Variants in USP21 observed in about 807,000 individuals in gnomAD.
The protein encoded by USP21 is ubiquitin specific peptidase 21, also known as ubiquitin carboxyl-terminal hydrolase 21.
USP21 carries 37 observed loss-of-function variants against 70.8 expected under a neutral mutation model. The ratio of observed to expected loss-of-function variants is 0.52; its 90% CI spans 0.40 to 0.69. The LOEUF is 0.69. USP21 is among the 30% of genes least tolerant of loss of function. USP21 has a pLI of 0.00. For missense variants in USP21, 584 were observed against 740.8 expected (o/e 0.79, Z 2.46); for synonymous variants, 263 against 283.1 (o/e 0.93, Z 0.71).
Position 161,162,241 on chromosome 1 carries a change from A to T in USP21, c.661-29A>T. On this transcript the variant is annotated intron_variant, in intron 4 of 13. Transcript: ENST00000368002. This position sits in a 1 kb window ranked among gnomAD's most constrained non-coding sequence, Gnocchi z 4.1. ...GCTTCCTGGGCAGTGGTCTGGAGAG[A>T]TAACAGCAGTGTCCCTACTGCTCCC... is the stretch of plus-strand genomic sequence containing the variant. The T allele has an allele frequency of 5.0e-6, 8 of 1,607,648 alleles. No homozygotes were observed. Among genetic ancestry groups the T allele is most frequent in the Non-Finnish European group, 6.8e-6 (8 of 1,175,612 alleles).
chr1:161,160,803 C>A lies in USP21; in HGVS notation c.163C>A (p.Arg55=). Residue 55 remains arginine, a synonymous_variant, in exon 3 of 14, where the codon CGG becomes AGG. Transcript: ENST00000368002. The stretch of plus-strand genomic sequence containing the variant: ...CCCCATGTTACGACCTCTGCCTCCC[C>A]GGCCAGGTCTGCCTGATGAACGGCT... ...PNPMLRPLPP[R]PGLPDERLKK... 6.2e-7 allele frequency: 1 copy of A among 1,614,214 alleles called. No individual in the cohort carries two copies. The highest frequency in any genetic ancestry group is 8.5e-7 in the Non-Finnish European group (1 of 1,180,042).
At position 161,165,490 on chromosome 1, in the gene USP21, T is replaced by TA; in HGVS notation, c.*45dup. 1 of 1,433,702 alleles carries TA rather than the reference T, an allele frequency of 7.0e-7. No homozygotes were observed. Among genetic ancestry groups the TA allele is most frequent in the East Asian group, 2.5e-5 (1 of 39,582 alleles). The allele number at this position is 1,433,702 out of a possible 1,614,324, so 88.8% of individuals were successfully genotyped here. ...ACCTGTGAAGCCCTTTAAACACCCT[T>TA]AAGCCCCAGGCTCCCCGTTTACCTC... On this transcript the variant is annotated 3_prime_UTR_variant, in exon 14 of 14. Coordinates refer to ENST00000368002, the MANE Select transcript of USP21 (RefSeq NM_001014443.3).
chr1:161,160,732 C>A lies in USP21; in HGVS notation c.92C>A (p.Pro31His). Residue 31 changes from proline (P) to histidine (H), a missense_variant, in exon 3 of 14, where the codon CCC becomes CAC. Pro to His is a moderately conservative substitution (Grantham distance 77). This residue lies in a region of USP21 where 284 missense variants were observed against 281.0 expected (regional missense o/e 1.01). Transcript: ENST00000368002. ...PRVGSKLPFA[P>H]RARSKERRNP... ...GTGGGATCCAAGCTACCATTTGCCC[C>A]CAGGGCCCGCAGCAAGGAGCGCAGA... The A allele has an allele frequency of 6.2e-7, 1 of 1,614,216 alleles. No homozygotes were observed. The highest frequency in any genetic ancestry group is 8.5e-7 in the Non-Finnish European group (1 of 1,180,046).
Position 161,161,535 on chromosome 1 carries a change from A to C in USP21, c.600+295A>C. ...CCTTTCCCTTGCTTGCACCTTCTCT[A>C]CTGGGACTCTGCCTAGGCCTAATTA... is the stretch of plus-strand genomic sequence containing the variant. On this transcript the variant is annotated intron_variant, in intron 3 of 13. Transcript: ENST00000368002. This position sits in a 1 kb window ranked among gnomAD's most constrained non-coding sequence, Gnocchi z 4.2. 1 of 433,280 alleles carries C rather than the reference A, an allele frequency of 2.3e-6. No individual in the cohort carries two copies. Among genetic ancestry groups the C allele is most frequent in the Non-Finnish European group, 4.1e-6 (1 of 241,338 alleles). 26.8% of individuals were successfully genotyped at this position (433,280 alleles called of 1,614,324 possible). A position where few individuals can be genotyped will look rare whatever the true frequency, so the allele number is the denominator to read the frequency against.
chr1:161,163,114 T>G, intron 7 of USP21, 40 bp downstream of exon 7: 4 of 1,546,644 alleles, frequency 2.6e-6, no homozygotes, highest in Non-Finnish European at 3.5e-6. Context: ...CCGTAGTTTA[T>G]CAGCATCATT....
rs1044357580 is a variant in USP21, at chr1:161,161,319, C to G, written c.600+79C>G. The G allele has an allele frequency of 1.3e-6, 2 of 1,488,250 alleles. No individual in the cohort carries two copies. The highest frequency in any genetic ancestry group is 1.8e-6 in the Non-Finnish European group (2 of 1,117,388). The allele number at this position is 1,488,250 out of a possible 1,614,324, so 92.2% of individuals were successfully genotyped here. Reference sequence around the variant, plus strand: ...TGCCATCCTCTGCCTTTTCTGTCCCCCATTTCCCTGAAGTTCCTTTCTCAG... The same window carrying G: ...TGCCATCCTCTGCCTTTTCTGTCCCGCATTTCCCTGAAGTTCCTTTCTCAG... On this transcript the variant is annotated intron_variant, in intron 3 of 13. Coordinates refer to ENST00000368002, the MANE Select transcript of USP21 (RefSeq NM_001014443.3). The surrounding 1 kb of genome is among the most constrained non-coding windows in gnomAD (Gnocchi z 4.2).
At position 161,163,926 on chromosome 1, in the gene USP21, G is replaced by A; in HGVS notation, c.1163G>A (p.Gly388Glu). 1 of 1,614,138 alleles carries A rather than the reference G, an allele frequency of 6.2e-7. No individual in the cohort carries two copies. Among genetic ancestry groups the A allele is most frequent in the Non-Finnish European group, 8.5e-7 (1 of 1,180,026 alleles). The change falls in exon 9 of 14, where the codon GGG (glycine) becomes GAG (glutamate). Residue 388 changes from glycine to glutamate, a missense_variant. Gly to Glu is a moderately conservative substitution (Grantham distance 98). Coordinates refer to ENST00000368002, the MANE Select transcript of USP21 (RefSeq NM_001014443.3). ...AGTTGTCTCAAGTGCCAGGCCTGTG[G>A]GTATCGCTCCACGACCTTCGAGGTT... ...LKSCLKCQAC[G>E]YRSTTFEVFC...
In USP21 at chr1:161,163,555, T is replaced by C; in HGVS notation, c.1050T>C (p.Ser350=). The C allele has an allele frequency of 6.2e-7, 1 of 1,613,278 alleles. No individual in the cohort carries two copies. Among genetic ancestry groups the C allele is most frequent in the Non-Finnish European group, 8.5e-7 (1 of 1,179,852 alleles). The part of the protein sequence containing the change: ...GGALLEEPEL[S]DDDRANLMWK... ...CCCCACTTCCTTTGATCTGTGGTAG[T>C]GATGATGACCGAGCCAACCTAATGT... Residue 350 remains serine (S), a splice_region_variant and synonymous_variant, in exon 8 of 14, where the codon AGT becomes AGC. Coordinates refer to ENST00000368002, the MANE Select transcript of USP21 (RefSeq NM_001014443.3).
intron 1 of USP21, among the ~76,000 whole-genome samples, chr1:161,159,886 G>A (rs1481180427): frequency 2.0e-5 from 3 of 152,234 alleles, no homozygotes; most frequent in East Asian, 3.8e-4. Context: ...CTGCCCTCGA[G>A]GGGGGCGGAC....
Position 161,164,967 on chromosome 1 carries a change from A to C in USP21, c.1492+25A>C, listed in dbSNP as rs1275741033. 6.2e-7 allele frequency: 1 copy of C among 1,613,536 alleles called. No individual in the cohort carries two copies. The highest frequency in any genetic ancestry group is 1.3e-5 in the African/African-American group (1 of 75,022). Reference sequence around the variant, plus strand: ...GGTGAGTCTGGTGGGGAAAGTCCTAAGGAGCCAAAGGAGTGGGGGCACAGC... The same window carrying C: ...GGTGAGTCTGGTGGGGAAAGTCCTACGGAGCCAAAGGAGTGGGGGCACAGC... On this transcript the variant is annotated intron_variant, in intron 12 of 13. Coordinates refer to ENST00000368002, the MANE Select transcript of USP21 (RefSeq NM_001014443.3). The surrounding 1 kb of genome is among the most constrained non-coding windows in gnomAD (Gnocchi z 4.2).
chr1:161,160,740 C>T lies in USP21; in HGVS notation c.100C>T (p.Arg34Cys), dbSNP rs770632791. Residue 34 changes from arginine (R) to cysteine (C), a missense_variant, in exon 3 of 14, where the codon CGC becomes TGC. This residue lies in a region of USP21 where 284 missense variants were observed against 281.0 expected (regional missense o/e 1.01). Transcript: ENST00000368002. Reference protein sequence around the residue: ...GSKLPFAPRARSKERRNPASG... With the variant: ...GSKLPFAPRACSKERRNPASG... ...CAAGCTACCATTTGCCCCCAGGGCC[C>T]GCAGCAAGGAGCGCAGAAACCCAGC... 18 of 1,614,078 alleles carry T rather than the reference C, an allele frequency of 1.1e-5. No homozygotes were observed. Among genetic ancestry groups the T allele is most frequent in the Admixed American group, 1.0e-4 (6 of 60,008 alleles).
Position 161,160,437 on chromosome 1 carries a change from C to T in USP21, c.-91C>T. 1.5e-6 allele frequency: 1 copy of T among 664,328 alleles called. No homozygotes were observed. Among genetic ancestry groups the T allele is most frequent in the Non-Finnish European group, 2.7e-6 (1 of 369,010 alleles). The allele number at this position is 664,328 out of a possible 1,614,324, so 41.2% of individuals were successfully genotyped here. A position where few individuals can be genotyped will look rare whatever the true frequency, so the allele number is the denominator to read the frequency against. ...CAGTGCGTATACTGCTCCCCACTTT[C>T]GTTGATGTGGTAGTGGTGATGACTG... On this transcript the variant is annotated 5_prime_UTR_variant, in exon 2 of 14. Coordinates refer to ENST00000368002, the MANE Select transcript of USP21 (RefSeq NM_001014443.3).
Position 161,164,089 on chromosome 1 carries a change from G to C in USP21, c.1219-75G>C. The C allele has an allele frequency of 6.3e-7, 1 of 1,590,798 alleles. No homozygotes were observed. Among genetic ancestry groups the C allele is most frequent in the Admixed American group, 1.7e-5 (1 of 59,710 alleles). ...CCCTGTGGGTTTCTGGAGCAGAACT[G>C]AAGCCTGGATTGATTGAGAAGAGTT... is the stretch of plus-strand genomic sequence containing the variant. On this transcript the variant is annotated intron_variant, in intron 9 of 13. Transcript: ENST00000368002. The surrounding 1 kb of genome is among the most constrained non-coding windows in gnomAD (Gnocchi z 4.2).
chr1:161,163,728 C>T (rs1411245487), intron 8 of USP21, 109 bp downstream of exon 8: 1 of 1,384,160 alleles, frequency 7.2e-7, no homozygotes, highest in Non-Finnish European at 1.0e-6. Context: ...CTGGATGATG[C>T]AAATGTGAAG....
rs145921869 is a variant in USP21, at chr1:161,160,858, C to T, written c.218C>T (p.Thr73Ile). ...AAACTGGAGCTGGGACGGGGACGGACCTCAGGCCCTCGTCCCAGAGGCCCC... is the reference window on the plus strand; with the variant it reads ...AAACTGGAGCTGGGACGGGGACGGATCTCAGGCCCTCGTCCCAGAGGCCCC... ...LKKLELGRGR[T>I]SGPRPRGPLR... is the part of the protein sequence containing the mutation. Residue 73 changes from threonine (T) to isoleucine (I), a missense_variant, in exon 3 of 14, where the codon ACC (threonine) becomes ATC (isoleucine). Physicochemically the swap from Thr to Ile is moderately conservative, Grantham distance 89. Transcript: ENST00000368002. 69 of 1,614,120 alleles carry T rather than the reference C, an allele frequency of 4.3e-5. No individual in the cohort carries two copies. The highest frequency in any genetic ancestry group is 5.7e-5 in the Non-Finnish European group (67 of 1,180,050).
chr1:161,165,243 G>A (rs1658522765), intron 13 of USP21, 100 bp downstream of exon 13: 2 of 1,420,940 alleles, frequency 1.4e-6, no homozygotes, highest in African/African-American at 1.4e-5. Context: ...CAGGTGAAAG[G>A]AGAGGTGGAG....
Position 161,164,915 on chromosome 1 carries a change from C to T in USP21, c.1465C>T (p.Leu489=), listed in dbSNP as rs987643303. Residue 489 remains leucine (L), a synonymous_variant, in exon 12 of 14, where the codon CTA becomes TTA. Coordinates refer to ENST00000368002, the MANE Select transcript of USP21 (RefSeq NM_001014443.3). The surrounding 1 kb of genome is among the most constrained non-coding windows in gnomAD (Gnocchi z 4.2). ...GVDFPLQRLS[L]GDFASDKAGS... is the part of the protein sequence containing the mutation. ...AGACTTTCCACTGCAGCGACTGAGC[C>T]TAGGGGACTTTGCCAGTGACAAAGC... The T allele has an allele frequency of 6.2e-7, 1 of 1,613,938 alleles. No individual in the cohort carries two copies. The highest frequency in any genetic ancestry group is 8.5e-7 in the Non-Finnish European group (1 of 1,179,960).
At chr1:161,163,478 T>G in intron 7 of USP21, 77 bp from the exon 8 acceptor site, 6 of 1,342,210 alleles carry the variant, frequency 4.5e-6, no homozygotes, top group Non-Finnish European at 6.4e-6. Context: ...CTCTGTAGGT[T>G]GTTTCAGTGG....
rs1658025862 is a variant in USP21 at position 161,162,676 on chromosome 1, T to A, written c.843T>A (p.Thr281=). 2 of 1,614,152 alleles carry A rather than the reference T, an allele frequency of 1.2e-6. No homozygotes were observed. The highest frequency in any genetic ancestry group is 4.5e-5 in the East Asian group (2 of 44,884). The change falls in exon 6 of 14, where the codon ACT becomes ACA. Residue 281 remains threonine (T), a synonymous_variant. Coordinates refer to ENST00000368002, the MANE Select transcript of USP21 (RefSeq NM_001014443.3). This position sits in a 1 kb window ranked among gnomAD's most constrained non-coding sequence, Gnocchi z 4.1. ...ACTCCTGCGAAGCTGTGAATCCTAC[T>A]CGATTCCGAGCTGTCTTCCAGAAAT... ...HPDSCEAVNP[T]RFRAVFQKYV... is the part of the protein sequence containing the mutation.
Sources: allele counts gnomAD v4.1 joint callset (sites outside exome capture counted in the v4.1 genomes callset), GRCh38; gene constraint gnomAD v4.1.1; regional missense constraint gnomAD v4.1.1; non-coding constraint Gnocchi (gnomAD v3.1); transcripts MANE v1.5; gene names NCBI Gene and HGNC (gene_info 2026-07-23, HGNC 2026-07-21).